The following CCNL2 variants were observed in gnomAD, a reference collection of about 807,000 sequenced individuals.
The protein encoded by CCNL2 is cyclin L2, also known as cyclin-L2.
In CCNL2, 28 loss-of-function variants were observed where a neutral mutation model predicts 59.1. The observed-to-expected ratio is 0.47, with a 90% CI of 0.35 to 0.65. The LOEUF (loss-of-function observed/expected upper bound fraction) is 0.65, where lower values mean the gene tolerates loss of function less well. CCNL2 is among the 30% of genes least tolerant of loss of function. The pLI, the probability that CCNL2 is intolerant of heterozygous loss-of-function variation, is 0.00. For missense variants in CCNL2, 714 were observed against 717.4 expected, an observed-to-expected ratio of 1.00 and a Z score of 0.05; for synonymous variants, 342 against 288.6, an observed-to-expected ratio of 1.19 and a Z score of -1.88.
rs1309542822 is a variant in CCNL2, at chr1:1,386,770, C to T, written c.*461G>A. 1 of 156,920 alleles carries T rather than the reference C, an allele frequency of 6.4e-6. No homozygotes were observed. The highest frequency in any genetic ancestry group is 1.4e-5 in the Non-Finnish European group (1 of 71,194). 9.7% of individuals were successfully genotyped at this position (156,920 alleles called of 1,614,324 possible). ...AGAGAATAAGGGGCAGTTAAGGCCA[C>T]TTTCTCCTGTGAAACACTGCAAAAT... is the stretch of plus-strand genomic sequence containing the variant. On this transcript the variant is annotated 3_prime_UTR_variant, in exon 11 of 11. Coordinates refer to ENST00000400809, the MANE Select transcript of CCNL2 (RefSeq NM_030937.6).
chr1:1,390,133 A>AATT, intron 8 of CCNL2, 97 bp downstream of exon 8: 7 of 1,121,414 alleles, frequency 6.2e-6, no homozygotes, highest in South Asian at 1.8e-5. Context: ...AAAAAAAAAA[A>AATT]TGTCTGGAAG....
rs761381029 is a variant in CCNL2, at chr1:1,395,421, G to A, written c.567C>T (p.Phe189=). 73 of 1,614,068 alleles carry A rather than the reference G, an allele frequency of 4.5e-5. No individual in the cohort carries two copies. The highest frequency in any genetic ancestry group is 5.7e-5 in the Non-Finnish European group (67 of 1,180,030). The change falls in exon 4 of 11, where the codon TTC becomes TTT. Residue 189 remains phenylalanine (F), a synonymous_variant. Transcript: ENST00000400809. The stretch of plus-strand genomic sequence containing the variant: ...TATGAGGATGCTTCACATGGACGCA[G>A]AAACCCAACTCTTTGAGAACTCGTC... ...AERRVLKELG[F]CVHVKHPHKI...
At chr1:1,397,432 G>A (rs996123184) in intron 3 of CCNL2, among the ~76,000 whole-genome samples, 1 of 152,156 alleles carries the variant, frequency 6.6e-6, no homozygotes, top group Admixed American at 6.6e-5. Flanking sequence ...GTGCTGAGAT[G>A]ACAGGTGTGA....
chr1:1,387,266 G>A lies in CCNL2; in HGVS notation c.1528C>T (p.Arg510Trp), dbSNP rs747441825. ...SYERTGRRYE[R>W]DHPGHSRHRR ...TGCCTGCTGTGCCCAGGGTGGTCCC[G>A]CTCATAGCGACGGCCTGTGCGTTCA... The change falls in exon 11 of 11, where the codon CGG becomes TGG. Residue 510 changes from arginine (R) to tryptophan (W), a missense_variant. By Grantham distance (101) the Arg-to-Trp change is moderately radical (BLOSUM62 -3). This residue lies in a region of CCNL2 where 403 missense variants were observed against 377.7 expected (regional missense o/e 1.07). Coordinates refer to ENST00000400809, the MANE Select transcript of CCNL2 (RefSeq NM_030937.6). 6 of 1,610,676 alleles carry A rather than the reference G, an allele frequency of 3.7e-6. No individual in the cohort carries two copies. The highest frequency in any genetic ancestry group is 2.2e-5 in the East Asian group (1 of 44,890).
At chr1:1,397,747 C>T (rs533305593) in intron 3 of CCNL2, among the ~76,000 whole-genome samples, 2 of 152,274 alleles carry the variant, frequency 1.3e-5, no homozygotes, top group East Asian at 3.9e-4. Context: ...CTCCTATAGT[C>T]CCAGCTACTC....
At position 1,390,301 on chromosome 1, in the gene CCNL2, G is replaced by A. The variant is rs1295882395; in HGVS notation, c.935C>T (p.Ala312Val). The change falls in exon 8 of 11, where the codon GCC becomes GTC. Residue 312 changes from alanine to valine, a missense_variant. Around this residue, in one of 5 missense-constraint regions of CCNL2, gnomAD observed 403 missense variants for 377.7 expected, o/e 1.07. Transcript: ENST00000400809. ...KHAIEEAKAQ[A>V]RGLLPGGTQV... ...TGTGCCCCCAGGCAACAGGCCCCGG[G>A]CTTGGGCCTTTGCCTCTTCGATAGC... The A allele has an allele frequency of 1.2e-6, 2 of 1,613,980 alleles. No homozygotes were observed. Among genetic ancestry groups the A allele is most frequent in the South Asian group, 1.1e-5 (1 of 91,074 alleles).
chr1:1,393,366 G>C, intron 5 of CCNL2, 30 bp downstream of exon 5: 1 of 1,598,444 alleles, frequency 6.3e-7, no homozygotes, highest in Non-Finnish European at 8.6e-7. Flanking sequence ...TGCCCTTGCT[G>C]GTCTCATAAA....
chr1:1,394,730 A>T (rs796599756), intron 4 of CCNL2, among the ~76,000 whole-genome samples: 4 of 141,250 alleles, frequency 2.8e-5, no homozygotes, highest in African/African-American at 1.1e-4. Flanking sequence ...AGCCTGCATG[A>T]CAGAGTAAGA....
At chr1:1,391,115 T>A in intron 5 of CCNL2, 1 of 1,258,754 alleles carries the variant, frequency 7.9e-7, no homozygotes, top group Non-Finnish European at 1.0e-6. Context: ...TGGCTGAATG[T>A]CAGACAATAC....
chr1:1,386,993 G>T lies in CCNL2; in HGVS notation c.*238C>A. 1 of 455,364 alleles carries T rather than the reference G, an allele frequency of 2.2e-6. No homozygotes were observed. Among genetic ancestry groups the T allele is most frequent in the Non-Finnish European group, 3.9e-6 (1 of 257,384 alleles). The allele number at this position is 455,364 out of a possible 1,614,324, so 28.2% of individuals were successfully genotyped here. ...GCTGCTGCCGAGCTGAGCCCTGCAC[G>T]GGCCCAGGTGTGCGCCGCACCCCAG... is the stretch of plus-strand genomic sequence containing the variant. On this transcript the variant is annotated 3_prime_UTR_variant, in exon 11 of 11. Coordinates refer to ENST00000400809, the MANE Select transcript of CCNL2 (RefSeq NM_030937.6).
Position 1,387,584 on chromosome 1 carries a change from TG to T in CCNL2, c.1212-3del. ...GATGTGGAGCCGCTGTCACTTTTCC[TG>T]GGAGGAAGAACAGCACCACCACACG... On this transcript the variant is annotated splice_polypyrimidine_tract_variant and splice_region_variant and intron_variant, in intron 10 of 10. Transcript: ENST00000400809. 6.7e-7 allele frequency: 1 copy of T among 1,481,964 alleles called. No individual in the cohort carries two copies. The allele number at this position is 1,481,964 out of a possible 1,614,324, so 91.8% of individuals were successfully genotyped here.
At chr1:1,393,988 T>G (rs1472110299) in intron 4 of CCNL2, among the ~76,000 whole-genome samples, 1 of 152,008 alleles carries the variant, frequency 6.6e-6, no homozygotes, top group African/African-American at 2.4e-5. Flanking sequence ...TAGTCAGGCA[T>G]GGTGGTGCAC....
chr1:1,390,295 C>T lies in CCNL2; in HGVS notation c.941G>A (p.Gly314Asp). 6.2e-7 allele frequency: 1 copy of T among 1,613,894 alleles called. No individual in the cohort carries two copies. Among genetic ancestry groups the T allele is most frequent in the African/African-American group, 1.3e-5 (1 of 75,028 alleles). ...CACCTGTGTGCCCCCAGGCAACAGGCCCCGGGCTTGGGCCTTTGCCTCTTC... is the reference window on the plus strand; with the variant it reads ...CACCTGTGTGCCCCCAGGCAACAGGTCCCGGGCTTGGGCCTTTGCCTCTTC... ...AIEEAKAQAR[G>D]LLPGGTQVLD... The change falls in exon 8 of 11, where the codon GGC becomes GAC. Residue 314 changes from glycine (G) to aspartate (D), a missense_variant. Physicochemically the swap from Gly to Asp is moderately conservative, Grantham distance 94. This residue lies in a region of CCNL2 where 403 missense variants were observed against 377.7 expected (regional missense o/e 1.07). Transcript: ENST00000400809.
chr1:1,393,546 A>C, intron 4 of CCNL2, 86 bp from the exon 5 acceptor site: 1 of 1,192,260 alleles, frequency 8.4e-7, no homozygotes, highest in Non-Finnish European at 1.2e-6. Flanking sequence ...AGCAAACAAG[A>C]GCCTCAAGCT....
In CCNL2 at chr1:1,393,807, T is replaced by A. The variant is rs556533065; in HGVS notation, c.595-347A>T. Among the ~76,000 whole-genome samples the A allele has an allele frequency of 2.9e-3, 449 of 152,248 alleles. 3 individuals are homozygous for A. Among genetic ancestry groups the A allele is most frequent in the Non-Finnish European group, 4.7e-3 (323 of 68,012 alleles). On this transcript the variant is annotated intron_variant, in intron 4 of 10. Coordinates refer to ENST00000400809, the MANE Select transcript of CCNL2 (RefSeq NM_030937.6). ...CAGTTAACAACTCACCAAAACACAA[T>A]ATGAACATACTTTCAGCAAACAGAG...
chr1:1,387,937 C>T lies in CCNL2; in HGVS notation c.1118+17G>A, dbSNP rs749832366. The T allele has an allele frequency of 3.1e-6, 5 of 1,612,776 alleles. No individual in the cohort carries two copies. Among genetic ancestry groups the T allele is most frequent in the Non-Finnish European group, 4.2e-6 (5 of 1,178,896 alleles). On this transcript the variant is annotated intron_variant, in intron 9 of 10. Transcript: ENST00000400809. ...CAGCCAACCCTGACAGCCACCTGGGCAGCCCTGGGGTCCTACCCGTTCACG... is the reference window on the plus strand; with the variant it reads ...CAGCCAACCCTGACAGCCACCTGGGTAGCCCTGGGGTCCTACCCGTTCACG...
chr1:1,398,777 A>G (rs1052980533), intron 1 of CCNL2, 106 bp from the exon 2 acceptor site: 7 of 1,260,946 alleles, frequency 5.6e-6, no homozygotes, highest in Non-Finnish European at 8.0e-6. Flanking sequence ...CAAACACTGA[A>G]ACGCTTCCCA....
Position 1,393,444 on chromosome 1 carries a change from A to C in CCNL2, c.611T>G (p.Leu204Arg). 1 of 1,614,116 alleles carries C rather than the reference A, an allele frequency of 6.2e-7. No individual in the cohort carries two copies. The highest frequency in any genetic ancestry group is 8.5e-7 in the Non-Finnish European group (1 of 1,179,946). The change falls in exon 5 of 11, where the codon CTT (leucine) becomes CGT (arginine). Residue 204 changes from leucine (L) to arginine (R), a missense_variant. Transcript: ENST00000400809. Reference sequence around the variant, plus strand: ...GTTACGCTCACACTCTAACACCTGAAGGTACATAACGATTATCTGGAAGAT... The same window carrying C: ...GTTACGCTCACACTCTAACACCTGACGGTACATAACGATTATCTGGAAGAT... ...KHPHKIIVMY[L>R]QVLECERNQH...
At chr1:1,395,168 A>G (rs1644950654) in intron 4 of CCNL2, 2 of 474,004 alleles carry the variant, frequency 4.2e-6, no homozygotes, top group Non-Finnish European at 7.4e-6. Flanking sequence ...AAACTTAAAT[A>G]ATACCATTTC....
Sources: allele counts gnomAD v4.1 joint callset (sites outside exome capture counted in the v4.1 genomes callset), GRCh38; gene constraint gnomAD v4.1.1; regional missense constraint gnomAD v4.1.1; transcripts MANE v1.5; gene names NCBI Gene and HGNC (gene_info 2026-07-23, HGNC 2026-07-21).